Variants in LDLRAD4 observed in about 807,000 individuals in gnomAD.
LDLRAD4 encodes low density lipoprotein receptor class A domain containing 4.
A neutral mutation model predicts 17.0 loss-of-function variants in LDLRAD4; 5 were observed. The ratio of observed to expected loss-of-function variants is 0.29; its 90% confidence interval spans 0.15 to 0.62. LDLRAD4 has a LOEUF of 0.62. Ranked by LOEUF, LDLRAD4 falls within the 20% of genes least tolerant of loss-of-function variation. The probability of loss-of-function intolerance (pLI) is 0.84; values close to 1 mark genes in which losing one functional copy is unlikely to be tolerated. For synonymous variants in LDLRAD4, 168 were observed against 171.8 expected (o/e 0.98, Z 0.17); for missense variants, 340 against 424.7 (o/e 0.80, Z 1.75).
chr18:13,473,638 T>TTC (rs1200076876), intron 3 of LDLRAD4, among the ~76,000 whole-genome samples: 2 of 31,444 alleles, frequency 6.4e-5, no homozygotes, highest in African/African-American at 2.4e-4. Context: ...TCCCATCTCA[T>TTC]ATATATATAT....
chr18:13,647,020 G>C (rs926421909), exon 6 of LDLRAD4: 3 of 152,124 alleles, frequency 2.0e-5, no homozygotes, highest in Non-Finnish European at 4.4e-5. Context: ...TATTAGCATA[G>C]CATTCTTAAA....
chr18:13,612,495 G>A, intron 3 of LDLRAD4: 1 of 1,348,472 alleles, frequency 7.4e-7, no homozygotes, highest in Non-Finnish European at 9.5e-7. Flanking sequence ...CACCTGGGGT[G>A]GGCCCTGCTG....
intron 3 of LDLRAD4, among the ~76,000 whole-genome samples, chr18:13,570,435 A>G (rs932829290): frequency 2.6e-4 from 39 of 152,234 alleles, no homozygotes; most frequent in African/African-American, 9.4e-4. Context: ...TCCAGCGAGC[A>G]CTGGGGCATC....
At chr18:13,499,145 TA>T (rs1461376708) in intron 3 of LDLRAD4, among the ~76,000 whole-genome samples, 13 of 147,168 alleles carry the variant, frequency 8.8e-5, no homozygotes, top group African/African-American at 3.3e-4. Flanking sequence ...AGAATCCTTC[TA>T]CTCACACACA....
chr18:13,624,247 T>C (rs935684720), intron 4 of LDLRAD4, among the ~76,000 whole-genome samples: 2 of 152,192 alleles, frequency 1.3e-5, no homozygotes, highest in Non-Finnish European at 2.9e-5. Flanking sequence ...CCTGTTACCA[T>C]GAGGGGGTCT....
chr18:13,217,990 C>T (rs2041250107), upstream of LDLRAD4: 1 of 150,730 alleles, frequency 6.6e-6, no homozygotes, highest in Admixed American at 6.6e-5. This position sits in a 1 kb window ranked among gnomAD's most constrained non-coding sequence, Gnocchi z 4.9. Flanking sequence ...GCCGCGCGCC[C>T]CCTGCCGCGC....
At chr18:13,268,800 A>G (rs2044363960) in intron 1 of LDLRAD4, among the ~76,000 whole-genome samples, 1 of 152,240 alleles carries the variant, frequency 6.6e-6, no homozygotes, top group South Asian at 2.1e-4. Flanking sequence ...TAACAAGGCC[A>G]TTGTTTGGCA....
At chr18:13,368,926 G>A (rs1288429920) in intron 1 of LDLRAD4, among the ~76,000 whole-genome samples, 2 of 152,216 alleles carry the variant, frequency 1.3e-5, no homozygotes, top group African/African-American at 4.8e-5. Flanking sequence ...TGGACTCAGC[G>A]GTCCTGGCCT....
At chr18:13,528,320 A>G (rs953127885) in intron 3 of LDLRAD4, among the ~76,000 whole-genome samples, 13 of 152,238 alleles carry the variant, frequency 8.5e-5, no homozygotes, top group African/African-American at 2.6e-4. Context: ...CATTATTACT[A>G]TTATTATTTT....
chr18:13,296,182 A>C (rs943060336), intron 1 of LDLRAD4, among the ~76,000 whole-genome samples: 75 of 152,242 alleles, frequency 4.9e-4, no homozygotes, highest in African/African-American at 1.8e-3. Context: ...GCAGGAACAG[A>C]GTGCCGTAGA....
intron 3 of LDLRAD4, among the ~76,000 whole-genome samples, chr18:13,570,302 GCCACTACCTGGCT>G (rs1256172376): frequency 2.6e-5 from 4 of 152,192 alleles, no homozygotes; most frequent in African/African-American, 9.6e-5. Context: ...TTCTCAAGAT[GCCACTACCTGGCT>G]CGGGTCTCCG....
At chr18:13,285,179 G>A (rs1383504632) in intron 1 of LDLRAD4, among the ~76,000 whole-genome samples, 1 of 152,226 alleles carries the variant, frequency 6.6e-6, no homozygotes, top group Non-Finnish European at 1.5e-5. Flanking sequence ...GTGTTTGTAA[G>A]CCCCAGGGGC....
chr18:13,349,663 T>G (rs2082925396), intron 1 of LDLRAD4, among the ~76,000 whole-genome samples: 1 of 152,204 alleles, frequency 6.6e-6, no homozygotes, highest in Admixed American at 6.5e-5. Context: ...AAGTGCAGAA[T>G]GTGTAGGTTT....
chr18:13,338,568 G>A (rs1460952393), intron 1 of LDLRAD4, among the ~76,000 whole-genome samples: 3 of 152,202 alleles, frequency 2.0e-5, no homozygotes, highest in African/African-American at 7.2e-5. Context: ...TAAAGATAAG[G>A]TTCTGGTGAA....
chr18:13,468,295 A>G (rs1194396083), intron 3 of LDLRAD4, among the ~76,000 whole-genome samples: 1 of 152,238 alleles, frequency 6.6e-6, no homozygotes, highest in African/African-American at 2.4e-5. Flanking sequence ...CAAAACCCCA[A>G]TGAGATACCA....
In LDLRAD4 at chr18:13,281,167, G is replaced by A. The variant is rs180705741; in HGVS notation, c.-383+2979G>A. Among the ~76,000 whole-genome samples the A allele has an allele frequency of 2.1e-3, 316 of 152,238 alleles. 3 individuals are homozygous for A. Among genetic ancestry groups the A allele is most frequent in the African/African-American group, 6.9e-3 (286 of 41,552 alleles). ...TTTGAGAGGCTAAGGCAGGAGTATC[G>A]CTTGAGCACAGAAATTTGAAACCAG... is the stretch of plus-strand genomic sequence containing the variant. On this transcript the variant is annotated intron_variant, in intron 1 of 5. Coordinates refer to ENST00000359446, the Ensembl canonical transcript of LDLRAD4.
rs139310445 is a variant in LDLRAD4, at chr18:13,318,076, C to T, written c.-383+39888C>T. Among the ~76,000 whole-genome samples the T allele has an allele frequency of 8.1e-4, 123 of 152,230 alleles. 1 individual carries two copies. The highest frequency in any genetic ancestry group is 2.5e-3 in the African/African-American group (103 of 41,542). On this transcript the variant is annotated intron_variant, in intron 1 of 5. Transcript: ENST00000359446. ...TACATCTGCCACTCGTCCGGTCCCTCGCTTCCTGTCCTTGTGAAGTCACTG... is the reference window on the plus strand; with the variant it reads ...TACATCTGCCACTCGTCCGGTCCCTTGCTTCCTGTCCTTGTGAAGTCACTG...
At chr18:13,482,663 C>T (rs2093122184) in intron 3 of LDLRAD4, among the ~76,000 whole-genome samples, 1 of 152,144 alleles carries the variant, frequency 6.6e-6, no homozygotes, top group African/African-American at 2.4e-5. Context: ...GGAGAGGGAC[C>T]CCTCAATGAG....
At chr18:13,326,746 T>G (rs1035843180) in intron 1 of LDLRAD4, among the ~76,000 whole-genome samples, 4 of 152,032 alleles carry the variant, frequency 2.6e-5, no homozygotes, top group African/African-American at 9.7e-5. Flanking sequence ...ACTTTCCCTT[T>G]TGCGTAAGGA....
Sources: allele counts gnomAD v4.1 joint callset (sites outside exome capture counted in the v4.1 genomes callset), GRCh38; gene constraint gnomAD v4.1.1; non-coding constraint Gnocchi (gnomAD v3.1); transcripts MANE v1.5; gene names NCBI Gene and HGNC (gene_info 2026-07-23, HGNC 2026-07-21).